HHIP: variants seen among roughly 807,000 people sequenced by gnomAD.
HHIP encodes the protein hedgehog interacting protein, also known as hedgehog-interacting protein.
HHIP carries 12 observed loss-of-function variants against 74.0 expected under a neutral mutation model. That is an observed-to-expected ratio of 0.16 (90% confidence interval 0.10 to 0.26). The LOEUF (loss-of-function observed/expected upper bound fraction) is 0.26, where lower values mean the gene tolerates loss of function less well. HHIP is among the 10% of genes least tolerant of loss of function. The pLI, the probability that HHIP is intolerant of heterozygous loss-of-function variation, is 1.00. For synonymous variants in HHIP, 309 were observed against 311.6 expected (o/e 0.99, Z 0.09); for missense variants, 788 against 845.0 (o/e 0.93, Z 0.84).
In HHIP at chr4:144,704,932, C is replaced by CA. The variant is rs1453112748; in HGVS notation, c.832-1597dup. 2.6e-5 allele frequency among the ~76,000 whole-genome samples: 4 copies of CA among 152,134 alleles called. No homozygotes were observed. In the East Asian group the frequency reaches 5.8e-4, roughly 22 times the overall value. ...AAGCAGAAAAACAGCACCATCGAGTCAATATTAAAATCACCAGAACAAGAT... is the reference window on the plus strand; with the variant it reads ...AAGCAGAAAAACAGCACCATCGAGTCAAATATTAAAATCACCAGAACAAGAT... On this transcript the variant is annotated intron_variant, in intron 4 of 12. Coordinates refer to ENST00000296575, the MANE Select transcript of HHIP (RefSeq NM_022475.3).
chr4:144,668,743 T>A (rs1325389947), intron 4 of HHIP, among the ~76,000 whole-genome samples: 1 of 151,692 alleles, frequency 6.6e-6, no homozygotes, highest in Non-Finnish European at 1.5e-5. Context: ...AGAGCAAGAG[T>A]CCGTCTCAAA....
intron 4 of HHIP, among the ~76,000 whole-genome samples, chr4:144,678,375 T>A (rs967317490): frequency 2.0e-5 from 3 of 152,198 alleles, no homozygotes; most frequent in African/African-American, 7.2e-5. Context: ...TAATTAACTT[T>A]GGTAAAGAAG....
chr4:144,723,430 C>CT (rs1730694777), intron 11 of HHIP, among the ~76,000 whole-genome samples: 1 of 151,966 alleles, frequency 6.6e-6, no homozygotes, highest in African/African-American at 2.4e-5. Context: ...CTAAAGAGTG[C>CT]TTTTTTCAAA....
chr4:144,664,530 C>T (rs1373744374), intron 4 of HHIP, among the ~76,000 whole-genome samples: 5 of 152,092 alleles, frequency 3.3e-5, no homozygotes, highest in Admixed American at 6.5e-5. Context: ...ACCCATGAAG[C>T]GTTAGTGTAT....
intron 2 of HHIP, among the ~76,000 whole-genome samples, chr4:144,657,811 A>C (rs1728594090): frequency 6.6e-6 from 1 of 152,162 alleles, no homozygotes. Context: ...GGAATATTTT[A>C]AATATAATTT....
intron 4 of HHIP, among the ~76,000 whole-genome samples, chr4:144,687,738 T>C (rs539029187): frequency 2.5e-4 from 35 of 140,990 alleles, no homozygotes; most frequent in African/African-American, 9.0e-4. Flanking sequence ...AGGTGCCTAA[T>C]AACTTTTGGC....
intron 4 of HHIP, among the ~76,000 whole-genome samples, chr4:144,685,394 A>G (rs1729459009): frequency 1.3e-5 from 2 of 152,252 alleles, no homozygotes; most frequent in South Asian, 4.1e-4. Context: ...TAAATTACAA[A>G]ATTTCCTTAA....
intron 4 of HHIP, among the ~76,000 whole-genome samples, chr4:144,672,079 A>G (rs958992457): frequency 6.6e-6 from 1 of 152,208 alleles, no homozygotes; most frequent in Non-Finnish European, 1.5e-5. Context: ...AATCTCCAAG[A>G]GAATTATGGA....
chr4:144,731,539 C>T (rs1236249176), intron 11 of HHIP, among the ~76,000 whole-genome samples: 1 of 152,150 alleles, frequency 6.6e-6, no homozygotes, highest in African/African-American at 2.4e-5. Flanking sequence ...CCTGCCTCAG[C>T]CTCCTGAGTA....
In HHIP at chr4:144,646,191, G is replaced by A. The variant is rs201683156; in HGVS notation, c.-485G>A. On this transcript the variant is annotated 5_prime_UTR_variant, in exon 1 of 13. Coordinates refer to ENST00000296575, the MANE Select transcript of HHIP (RefSeq NM_022475.3). ...GTGTGAGAAGCTGCAGCCGCCGGCAGAGGAGACCTCAGCATCATCTAGAGC... is the reference window on the plus strand; with the variant it reads ...GTGTGAGAAGCTGCAGCCGCCGGCAAAGGAGACCTCAGCATCATCTAGAGC... 2 of 155,444 alleles carry A rather than the reference G, an allele frequency of 1.3e-5. No individual in the cohort carries two copies. Among genetic ancestry groups the A allele is most frequent in the African/African-American group, 4.8e-5 (2 of 41,490 alleles). The allele number at this position is 155,444 out of a possible 1,614,324, so 9.6% of individuals were successfully genotyped here. A position where few individuals can be genotyped will look rare whatever the true frequency, so the allele number is the denominator to read the frequency against.
chr4:144,681,200 A>G (rs1432134765), intron 4 of HHIP, among the ~76,000 whole-genome samples: 1 of 152,202 alleles, frequency 6.6e-6, no homozygotes, highest in Non-Finnish European at 1.5e-5. Flanking sequence ...AAGTATTAGA[A>G]TTCAGGGATT....
At chr4:144,689,433 T>A (rs572048215) in intron 4 of HHIP, among the ~76,000 whole-genome samples, 2 of 152,356 alleles carry the variant, frequency 1.3e-5, no homozygotes, top group East Asian at 1.9e-4. Context: ...CTTTGCCTGA[T>A]GTTTTCTAGT....
At chr4:144,726,380 G>T (rs555959282) in intron 11 of HHIP, among the ~76,000 whole-genome samples, 1 of 152,238 alleles carries the variant, frequency 6.6e-6, no homozygotes, top group African/African-American at 2.4e-5. Context: ...CAGAGGGAGA[G>T]AATGAATGAG....
chr4:144,674,096 T>G (rs550934049), intron 4 of HHIP, among the ~76,000 whole-genome samples: 2 of 152,320 alleles, frequency 1.3e-5, no homozygotes, highest in South Asian at 4.1e-4. Context: ...TCCAAAACAA[T>G]TCTCTGTTTG....
intron 6 of HHIP, 166 bp from the exon 7 acceptor site, chr4:144,708,002 C>G: frequency 2.9e-6 from 2 of 690,502 alleles, no homozygotes; most frequent in Non-Finnish European, 4.8e-6. Flanking sequence ...CTTGGCTTCC[C>G]AAAGTGCTGG....
intron 4 of HHIP, among the ~76,000 whole-genome samples, chr4:144,691,049 A>C (rs1729647310): frequency 6.6e-6 from 1 of 152,186 alleles, no homozygotes; most frequent in African/African-American, 2.4e-5. Flanking sequence ...CTGTTTCGAA[A>C]TGCTGTGTAA....
chr4:144,714,134 T>A (rs1730378032), intron 8 of HHIP, 91 bp from the exon 9 acceptor site: 1 of 1,119,844 alleles, frequency 8.9e-7, no homozygotes. Context: ...CATTTCAGAG[T>A]TAAATTACTA....
chr4:144,719,064 A>G, intron 11 of HHIP, 108 bp downstream of exon 11: 1 of 738,392 alleles, frequency 1.4e-6, no homozygotes. Context: ...GCCAAGATGT[A>G]CACTTTTACC....
chr4:144,698,044 G>T lies in HHIP; in HGVS notation c.832-8487G>T, dbSNP rs149254389. ...GCACTTTTCTAATTTGTCTGCATCT[G>T]CTACCTTCAAAAGATAAAATGCTTG... On this transcript the variant is annotated intron_variant, in intron 4 of 12. Transcript: ENST00000296575. Among the ~76,000 whole-genome samples the T allele has an allele frequency of 1.3e-3, 203 of 152,208 alleles. 2 individuals carry two copies. The highest frequency in any genetic ancestry group is 4.5e-3 in the African/African-American group (188 of 41,536).
Sources: allele counts gnomAD v4.1 joint callset (sites outside exome capture counted in the v4.1 genomes callset), GRCh38; gene constraint gnomAD v4.1.1; transcripts MANE v1.5; gene names NCBI Gene and HGNC (gene_info 2026-07-23, HGNC 2026-07-21).